The following PER2 variants were observed in gnomAD, a reference collection of about 807,000 sequenced individuals.
The protein encoded by PER2 is period circadian protein homolog 2.
PER2 carries 66 observed loss-of-function variants against 121.0 expected under a neutral mutation model. That is an observed-to-expected ratio of 0.55 (90% CI 0.45 to 0.67). PER2 has a LOEUF of 0.67. Ranked by LOEUF, PER2 falls within the 30% of genes least tolerant of loss-of-function variation. The pLI is 0.00. For missense variants in PER2, 1,521 were observed against 1,635.0 expected (o/e 0.93, Z 1.20); for synonymous variants, 684 against 659.9 (o/e 1.04, Z -0.56).
intron 14 of PER2, among the ~76,000 whole-genome samples, chr2:238,258,929 C>T (rs1695844294): frequency 6.6e-6 from 1 of 152,128 alleles, no homozygotes; most frequent in South Asian, 2.1e-4. Flanking sequence ...CAGTGGGAGA[C>T]AGCAGTTCTC....
chr2:238,271,751 A>G (rs1417169064), intron 5 of PER2, among the ~76,000 whole-genome samples: 1 of 152,138 alleles, frequency 6.6e-6, no homozygotes, highest in African/African-American at 2.4e-5. Context: ...AACAGCCTAC[A>G]TCCAAAGGGC....
the PER2 span, chr2:238,299,677 G>A: frequency 1.3e-5 from 2 of 152,244 alleles, no homozygotes; most frequent in South Asian, 2.1e-4. Context: ...TGAGACCATG[G>A]CTATGGACAA....
intron 9 of PER2, among the ~76,000 whole-genome samples, chr2:238,263,688 C>T (rs1574848917): frequency 6.6e-6 from 1 of 152,112 alleles, no homozygotes; most frequent in East Asian, 1.9e-4. Flanking sequence ...CATTTCTTCT[C>T]CCGATCTGCC....
At position 238,261,954 on chromosome 2, in the gene PER2, C is replaced by G. The variant is rs545120259; in HGVS notation, c.1308-117G>C. 1.4e-3 allele frequency: 1,066 copies of G among 770,750 alleles called. 2 individuals carry two copies. The highest frequency in any genetic ancestry group is 2.0e-3 in the Admixed American group (92 of 46,428). The allele number at this position is 770,750 out of a possible 1,614,324, so 47.7% of individuals were successfully genotyped here. On this transcript the variant is annotated intron_variant, in intron 11 of 22. Coordinates refer to ENST00000254657, the MANE Select transcript of PER2 (RefSeq NM_022817.3). ...TGGGCCCTCTGCCTCTCCCCTGCAGCCCCCCAGGCTGCTGCCTGTCCACTC... is the reference window on the plus strand; with the variant it reads ...TGGGCCCTCTGCCTCTCCCCTGCAGGCCCCCAGGCTGCTGCCTGTCCACTC...
At chr2:238,286,897 G>A (rs1429433152) in intron 1 of PER2, among the ~76,000 whole-genome samples, 2 of 152,234 alleles carry the variant, frequency 1.3e-5, no homozygotes, top group Admixed American at 6.5e-5. Context: ...CACTGCAGAC[G>A]TGGCTCACAG....
In PER2 at chr2:238,251,761, G is replaced by A. The variant is rs749451578; in HGVS notation, c.3112C>T (p.Arg1038Cys). 1.4e-5 allele frequency: 22 copies of A among 1,527,190 alleles called. No homozygotes were observed. The highest frequency in any genetic ancestry group is 1.4e-4 in the African/African-American group (10 of 71,386). The allele number at this position is 1,527,190 out of a possible 1,614,324, so 94.6% of individuals were successfully genotyped here. The stretch of plus-strand genomic sequence containing the variant: ...TTCTGTGTGTCTGAGGGTTCATCAC[G>A]CTTTAGGGACAGGAAGCAGATACTG... ...RDQQPKAPLT[R>C]DEPSDTQNSD... The change falls in exon 20 of 23, where the codon CGT (arginine) becomes TGT (cysteine). Residue 1038 changes from arginine (R) to cysteine (C), a missense_variant and splice_region_variant. Arg to Cys is a radical substitution (Grantham distance 180). Transcript: ENST00000254657.
chr2:238,271,621 T>TG (rs1485220683), intron 5 of PER2, 108 bp from the exon 6 acceptor site: 4 of 817,234 alleles, frequency 4.9e-6, no homozygotes, highest in East Asian at 5.0e-5. Context: ...GCGTTGGAGG[T>TG]GGGGGGCTCT....
chr2:238,264,275 T>C (rs1429847199), intron 9 of PER2, among the ~76,000 whole-genome samples: 2 of 152,220 alleles, frequency 1.3e-5, no homozygotes, highest in Non-Finnish European at 2.9e-5. Flanking sequence ...CCCCAGGCCC[T>C]GCCCTCCAAG....
intron 18 of PER2, chr2:238,255,364 G>T (rs1396012072): frequency 1.6e-5 from 8 of 504,752 alleles, no homozygotes; most frequent in African/African-American, 1.5e-4. Context: ...CTGCCCACAT[G>T]GTTACTCAGG....
the PER2 span, chr2:238,295,877 C>T: frequency 4.7e-6 from 1 of 211,266 alleles, no homozygotes; most frequent in Non-Finnish European, 9.7e-6. Flanking sequence ...AACGGGCTCC[C>T]TCTGGCCCTG....
At chr2:238,270,920 C>A (rs542172509) in intron 6 of PER2, among the ~76,000 whole-genome samples, 2 of 152,218 alleles carry the variant, frequency 1.3e-5, no homozygotes, top group Admixed American at 6.5e-5. Flanking sequence ...GGGATATGAC[C>A]CACTCACTGG....
chr2:238,263,069 A>G lies in PER2; in HGVS notation c.1047-11T>C. 6.7e-7 allele frequency: 1 copy of G among 1,500,554 alleles called. No homozygotes were observed. The highest frequency in any genetic ancestry group is 9.3e-7 in the Non-Finnish European group (1 of 1,076,850). 93.0% of individuals were successfully genotyped at this position (1,500,554 alleles called of 1,614,324 possible). On this transcript the variant is annotated splice_polypyrimidine_tract_variant and intron_variant, in intron 9 of 22. Coordinates refer to ENST00000254657, the MANE Select transcript of PER2 (RefSeq NM_022817.3). ...AGGAGAGGGACCGCCCTGGAAGGCA[A>G]GCAGACACACGCTAGGATTGGCATC... is the stretch of plus-strand genomic sequence containing the variant.
chr2:238,258,449 G>A (rs1260745458), intron 15 of PER2, 48 bp downstream of exon 15: 4 of 1,614,130 alleles, frequency 2.5e-6, no homozygotes, highest in Admixed American at 1.7e-5. Flanking sequence ...CATGAGAGGA[G>A]GGAAGGTGTG....
Position 238,262,223 on chromosome 2 carries a change from G to T in PER2, c.1275C>A (p.Ile425=). ...SSFINPWSRK[I]SFIIGRHKVR... is the part of the protein sequence containing the mutation. The stretch of plus-strand genomic sequence containing the variant: ...CTTTGTGCCTCCCAATGATGAAGGA[G>T]ATTTTCCTGCTCCATGGGTTGATGA... The change falls in exon 11 of 23, where the codon ATC becomes ATA. Residue 425 remains isoleucine (I), a synonymous_variant. Transcript: ENST00000254657. The T allele has an allele frequency of 6.2e-7, 1 of 1,614,080 alleles. No individual in the cohort carries two copies. Among genetic ancestry groups the T allele is most frequent in the Non-Finnish European group, 8.5e-7 (1 of 1,180,006 alleles).
chr2:238,245,962 T>C lies in PER2; in HGVS notation c.*413A>G, dbSNP rs1013697234. 1 of 257,824 alleles carries C rather than the reference T, an allele frequency of 3.9e-6. No homozygotes were observed. Among genetic ancestry groups the C allele is most frequent in the African/African-American group, 2.2e-5 (1 of 45,570 alleles). 16.0% of individuals were successfully genotyped at this position (257,824 alleles called of 1,614,324 possible). ...AGCAGTCCCCAAGAGAGGACAAAAT[T>C]TGATCTGATCCAAACACCCTGGGAA... On this transcript the variant is annotated 3_prime_UTR_variant, in exon 23 of 23. Coordinates refer to ENST00000254657, the MANE Select transcript of PER2 (RefSeq NM_022817.3).
At chr2:238,261,905 G>T in intron 11 of PER2, 68 bp from the exon 12 acceptor site, 1 of 1,087,126 alleles carries the variant, frequency 9.2e-7, no homozygotes, top group South Asian at 1.4e-5. Flanking sequence ...TGACTGTATA[G>T]CCACTACATG....
chr2:238,297,863 A>G, the PER2 span, among the ~76,000 whole-genome samples: 1 of 152,166 alleles, frequency 6.6e-6, no homozygotes, highest in African/African-American at 2.4e-5. Flanking sequence ...CCAATGGACC[A>G]GGGCATTGGC....
chr2:238,282,582 C>T (rs1574861516), intron 1 of PER2, among the ~76,000 whole-genome samples: 2 of 152,340 alleles, frequency 1.3e-5, no homozygotes, highest in Admixed American at 1.3e-4. Context: ...AGTCCAAGAA[C>T]AATAAATAAC....
chr2:238,273,241 G>A (rs372139810), intron 4 of PER2, 50 bp from the exon 5 acceptor site: 30 of 1,597,596 alleles, frequency 1.9e-5, no homozygotes, highest in Middle Eastern at 1.7e-4. Flanking sequence ...GCGCTTGGCC[G>A]GAGACAGTCA....
Sources: gnomAD v4.1 joint callset for allele counts (sites outside exome capture counted in the v4.1 genomes callset) on GRCh38, gnomAD v4.1.1 for gene constraint, MANE v1.5 for transcripts, NCBI Gene and HGNC (gene_info 2026-07-23, HGNC 2026-07-21) for gene names.